Variants in CCDC88A observed in about 807,000 individuals in gnomAD.
CCDC88A encodes the protein girdin.
In CCDC88A, 54 loss-of-function variants were observed where a neutral mutation model predicts 234.3. The observed-to-expected ratio is 0.23, with a 90% CI of 0.19 to 0.29. The LOEUF is 0.29. CCDC88A is among the 10% of genes least tolerant of loss of function. The pLI is 1.00. For missense variants in CCDC88A, 1,832 were observed against 2,123.4 expected, an observed-to-expected ratio of 0.86 and a Z score of 2.70; for synonymous variants, 753 against 737.8, an observed-to-expected ratio of 1.02 and a Z score of -0.33.
At chr2:55,396,410 C>T (rs1435403004) in intron 2 of CCDC88A, among the ~76,000 whole-genome samples, 1 of 152,190 alleles carries the variant, frequency 6.6e-6, no homozygotes, top group African/African-American at 2.4e-5. Flanking sequence ...TATTCACACA[C>T]TGACCACATT....
rs541614272 is a variant in CCDC88A at position 55,374,514 on chromosome 2, G to T, written c.343+300C>A. 5.6e-3 allele frequency among the ~76,000 whole-genome samples: 852 copies of T among 152,188 alleles called. 3 individuals carry two copies. Among genetic ancestry groups the T allele is most frequent in the Middle Eastern group, 0.024 (7 of 294 alleles). On this transcript the variant is annotated intron_variant, in intron 4 of 32. Transcript: ENST00000436346. ...CTTTTCTAAGGTAATATTCTTTTAA[G>T]TTTGTAACTACATCATCTTCTATAC...
chr2:55,384,301 G>A (rs1346625837), intron 3 of CCDC88A, among the ~76,000 whole-genome samples: 1 of 145,438 alleles, frequency 6.9e-6, no homozygotes, highest in Non-Finnish European at 1.5e-5. Flanking sequence ...CTCCAGCCTG[G>A]GTGACAGAGC....
intron 23 of CCDC88A, among the ~76,000 whole-genome samples, chr2:55,311,865 G>C (rs901487575): frequency 2.0e-5 from 3 of 152,074 alleles, no homozygotes; most frequent in African/African-American, 7.2e-5. Context: ...CAACTCCTTG[G>C]TATGGCATAG....
At chr2:55,302,876 T>C (rs928843922) in intron 26 of CCDC88A, 193 bp downstream of exon 26, 2 of 463,596 alleles carry the variant, frequency 4.3e-6, no homozygotes, top group Admixed American at 6.7e-5. Context: ...CACGTATATG[T>C]ATCAGTGGAC....
At chr2:55,416,953 C>G (rs1329244841) in intron 2 of CCDC88A, 1 of 150,170 alleles carries the variant, frequency 6.7e-6, no homozygotes, top group Non-Finnish European at 1.5e-5. Context: ...TCATTTACAA[C>G]AGAATTAGGA....
At position 55,295,845 on chromosome 2, in the gene CCDC88A, C is replaced by T. The variant is rs769591926; in HGVS notation, c.5303G>A (p.Ser1768Asn). The T allele has an allele frequency of 8.7e-6, 14 of 1,613,944 alleles. No homozygotes were observed. The highest frequency in any genetic ancestry group is 1.6e-4 in the Middle Eastern group (1 of 6,084). ...PRKTEDTYFI[S>N]SAGKPTPGTQ... ...GCCTGGTGTAGGTTTTCCCGCAGAA[C>T]TAATGAAGTAGGTATCTTCAGTTTT... Residue 1768 changes from serine to asparagine, a missense_variant, in exon 31 of 33, where the codon AGT (serine) becomes AAT (asparagine). Around this residue, in one of 6 missense-constraint regions of CCDC88A, gnomAD observed 422 missense variants for 416.5 expected, o/e 1.01. Transcript: ENST00000436346.
intron 18 of CCDC88A, among the ~76,000 whole-genome samples, chr2:55,321,868 A>C (rs1159925243): frequency 3.3e-5 from 5 of 151,572 alleles, no homozygotes; most frequent in Admixed American, 2.0e-4. Context: ...TGTGGGGATT[A>C]ATTTTTGGTT....
Position 55,419,649 on chromosome 2 carries a change from T to TC in CCDC88A, c.-571dup, listed in dbSNP as rs746117112. 2 of 149,062 alleles carry TC rather than the reference T, an allele frequency of 1.3e-5. No homozygotes were observed. The highest frequency in any genetic ancestry group is 2.5e-5 in the African/African-American group (1 of 40,290). The allele number at this position is 149,062 out of a possible 1,614,324, so 9.2% of individuals were successfully genotyped here. ...GTACCAACAGGCAGGGCTCGCCCCT[T>TC]CCCCCCGAGCAGACACCATTCCTCC... On this transcript the variant is annotated 5_prime_UTR_variant, in exon 1 of 33. An upstream open reading frame in the 5' UTR loses its in-frame stop. Coordinates refer to ENST00000436346, the MANE Select transcript of CCDC88A (RefSeq NM_001365480.1).
At chr2:55,315,121 C>G (rs1035798077) in intron 22 of CCDC88A, 1 of 152,232 alleles carries the variant, frequency 6.6e-6, no homozygotes, top group African/African-American at 2.4e-5. Flanking sequence ...GTTTACTGGT[C>G]TGTTACTTGC....
chr2:55,345,398 A>C (rs1668976409), intron 10 of CCDC88A: 1 of 151,986 alleles, frequency 6.6e-6, no homozygotes. Flanking sequence ...GACCTGCCAA[A>C]TTCTTTTTTT....
chr2:55,374,727 A>C, intron 4 of CCDC88A, 87 bp downstream of exon 4: 1 of 712,044 alleles, frequency 1.4e-6, no homozygotes, highest in South Asian at 2.2e-5. Flanking sequence ...TAGTGAGTTA[A>C]TGTATATAAG....
intron 9 of CCDC88A, chr2:55,349,252 C>T: frequency 2.7e-6 from 1 of 375,152 alleles, no homozygotes; most frequent in Non-Finnish European, 4.7e-6. Flanking sequence ...AGAAGCCAAA[C>T]ACATCAAAAA....
At chr2:55,293,558 T>G (rs548556732) in intron 31 of CCDC88A, 1 of 152,102 alleles carries the variant, frequency 6.6e-6, no homozygotes, top group African/African-American at 2.4e-5. Flanking sequence ...ACAAATTTCA[T>G]TAGGAAATAT....
At chr2:55,356,369 T>C (rs1333554587) in intron 7 of CCDC88A, 1 of 152,324 alleles carries the variant, frequency 6.6e-6, no homozygotes, top group African/African-American at 2.4e-5. Flanking sequence ...ATGGTTTATA[T>C]GTAACACAGT....
Position 55,335,301 on chromosome 2 carries a change from T to C in CCDC88A, c.1657-137A>G. On this transcript the variant is annotated intron_variant, in intron 14 of 32. Transcript: ENST00000436346. The surrounding 1 kb of genome is among the most constrained non-coding windows in gnomAD (Gnocchi z 4.5). ...GTCTTACTTTTAATTCTGACAAGTA[T>C]TTACTGAAGACCACTGTGTACACTT... 3.9e-6 allele frequency: 1 copy of C among 253,886 alleles called. No homozygotes were observed. Among genetic ancestry groups the C allele is most frequent in the Middle Eastern group, 1.0e-3 (1 of 990 alleles). 15.7% of individuals were successfully genotyped at this position (253,886 alleles called of 1,614,324 possible). A position where few individuals can be genotyped will look rare whatever the true frequency, so the allele number is the denominator to read the frequency against.
chr2:55,343,987 G>A, intron 11 of CCDC88A, 195 bp from the exon 12 acceptor site: 1 of 446,210 alleles, frequency 2.2e-6, no homozygotes, highest in African/African-American at 2.0e-5. Context: ...ATCCTTTTAA[G>A]CTGATCTTTG....
chr2:55,409,441 A>G (rs774003784), intron 2 of CCDC88A, among the ~76,000 whole-genome samples: 10 of 152,266 alleles, frequency 6.6e-5, no homozygotes, highest in Non-Finnish European at 1.5e-4. Flanking sequence ...CAAGAACATA[A>G]TTCCTTATCA....
chr2:55,292,012 C>A (rs59122515), intron 31 of CCDC88A: 321,239 of 361,358 alleles, frequency 0.89, 146,865 homozygotes, highest in East Asian at 0.97. Context: ...ATTACATTTC[C>A]CCCCCTCTTA....
At chr2:55,321,470 G>T (rs960649966) in intron 18 of CCDC88A, among the ~76,000 whole-genome samples, 1 of 151,984 alleles carries the variant, frequency 6.6e-6, no homozygotes, top group African/African-American at 2.4e-5. Context: ...AGAATGGGGT[G>T]AACCTGGGAG....
Sources: allele counts gnomAD v4.1 joint callset (sites outside exome capture counted in the v4.1 genomes callset), GRCh38; gene constraint gnomAD v4.1.1; regional missense constraint gnomAD v4.1.1; non-coding constraint Gnocchi (gnomAD v3.1); transcripts MANE v1.5; gene names NCBI Gene and HGNC (gene_info 2026-07-23, HGNC 2026-07-21).